The following DLEU7 variants were observed in gnomAD, a reference collection of about 807,000 sequenced individuals.
DLEU7 encodes deleted in lymphocytic leukemia 7, also known as leukemia-associated protein 7.
DLEU7 carries 17 observed loss-of-function variants against 16.0 expected under a neutral mutation model. The ratio of observed to expected loss-of-function variants is 1.06; its 90% CI spans 0.73 to 1.59. The LOEUF (loss-of-function observed/expected upper bound fraction) is 1.59. Among genes scored for constraint, DLEU7 ranks in the 40% most tolerant of loss-of-function variants. DLEU7 has a pLI of 0.00. For synonymous variants in DLEU7, 113 were observed against 139.8 expected (o/e 0.81, Z 1.35); for missense variants, 308 against 314.9 (o/e 0.98, Z 0.17).
chr13:50,740,560 C>T (rs771679412), intron 1 of DLEU7, among the ~76,000 whole-genome samples: 171 of 152,112 alleles, frequency 1.1e-3, no homozygotes, highest in Non-Finnish European at 1.9e-3. Flanking sequence ...CCATTCCACT[C>T]AAGACTACAC....
chr13:50,774,178 T>G (rs1010654642), intron 1 of DLEU7, among the ~76,000 whole-genome samples: 1 of 152,118 alleles, frequency 6.6e-6, no homozygotes, highest in African/African-American at 2.4e-5. Flanking sequence ...CTGTCACAGC[T>G]TCCCTTGGCT....
chr13:50,806,227 G>T (rs1177931400), intron 1 of DLEU7, among the ~76,000 whole-genome samples: 4 of 151,966 alleles, frequency 2.6e-5, no homozygotes, highest in Non-Finnish European at 5.9e-5. Context: ...GTTTTGGTTG[G>T]TTTTTCTGAG....
intron 1 of DLEU7, among the ~76,000 whole-genome samples, chr13:50,784,965 A>C (rs1442326451): frequency 6.6e-6 from 1 of 152,118 alleles, no homozygotes; most frequent in Non-Finnish European, 1.5e-5. Context: ...CTCTAGATTT[A>C]ACATAATTGG....
intron 1 of DLEU7, among the ~76,000 whole-genome samples, chr13:50,717,652 A>G (rs1268749317): frequency 6.6e-6 from 1 of 151,552 alleles, no homozygotes; most frequent in Non-Finnish European, 1.5e-5. Context: ...AAATCAGAAC[A>G]CTTTATGAGA....
At position 50,726,679 on chromosome 13, in the gene DLEU7, C is replaced by G. The variant is rs1046323478; in HGVS notation, c.460-13439G>C. ...TCGTTCTAAGAGCCCACTGGCTATG[C>G]CTTTTATTTCTCCAGGCATGGGTGC... On this transcript the variant is annotated intron_variant, in intron 1 of 1. Coordinates refer to the DLEU7 transcript ENST00000400393. This position sits in a 1 kb window ranked among gnomAD's most constrained non-coding sequence, Gnocchi z 4.0. Among the ~76,000 whole-genome samples, 1 of 152,090 alleles carries G rather than the reference C, an allele frequency of 6.6e-6. No individual in the cohort carries two copies. The highest frequency in any genetic ancestry group is 1.5e-5 in the Non-Finnish European group (1 of 68,026).
intron 1 of DLEU7, among the ~76,000 whole-genome samples, chr13:50,729,946 G>T (rs537241077): frequency 6.6e-6 from 1 of 152,104 alleles, no homozygotes; most frequent in East Asian, 1.9e-4. Context: ...TGAGCAGAAG[G>T]CTTCCAGATA....
chr13:50,807,366 A>G (rs1876422731), intron 1 of DLEU7, among the ~76,000 whole-genome samples: 2 of 152,092 alleles, frequency 1.3e-5, no homozygotes, highest in African/African-American at 2.4e-5. Context: ...CATCAAAAAC[A>G]AACAAATTTT....
chr13:50,784,524 C>A (rs1875746908), intron 1 of DLEU7, among the ~76,000 whole-genome samples: 1 of 152,310 alleles, frequency 6.6e-6, no homozygotes, highest in South Asian at 2.1e-4. Context: ...ATGTTTGTGC[C>A]CCCAGATAAT....
chr13:50,759,361 A>G (rs1463148835), intron 1 of DLEU7, among the ~76,000 whole-genome samples: 10 of 152,316 alleles, frequency 6.6e-5, no homozygotes, highest in Admixed American at 2.6e-4. Flanking sequence ...CTTGATCCCA[A>G]TGATCTCTTA....
In DLEU7 at chr13:50,805,559, T is replaced by G. The variant is rs76417344; in HGVS notation, c.459+37629A>C. Among the ~76,000 whole-genome samples, 1,075 of 152,336 alleles carry G rather than the reference T, an allele frequency of 7.1e-3. 12 individuals carry two copies. Among genetic ancestry groups the G allele is most frequent in the African/African-American group, 0.025 (1,029 of 41,588 alleles). ...GCATATGTTTGATTTTTTTATATAT[T>G]TTGCATCTATCATATAACCCTTTTA... On this transcript the variant is annotated intron_variant, in intron 1 of 1. Transcript: ENST00000400393.
At chr13:50,714,989 T>C (rs1467185310) in intron 1 of DLEU7, among the ~76,000 whole-genome samples, 1 of 152,198 alleles carries the variant, frequency 6.6e-6, no homozygotes, top group Non-Finnish European at 1.5e-5. Flanking sequence ...CTAGAGGCTC[T>C]AATGAAGCAT....
intron 1 of DLEU7, among the ~76,000 whole-genome samples, chr13:50,792,466 C>T (rs1403204454): frequency 1.3e-5 from 2 of 152,148 alleles, no homozygotes; most frequent in Non-Finnish European, 2.9e-5. Flanking sequence ...GTCCAGCACC[C>T]CAGCACGACT....
chr13:50,792,435 C>T (rs1365351446), intron 1 of DLEU7, among the ~76,000 whole-genome samples: 1 of 152,170 alleles, frequency 6.6e-6, no homozygotes, highest in Non-Finnish European at 1.5e-5. Context: ...ATGCAACTTC[C>T]CTTTAGCTAT....
In DLEU7 at chr13:50,738,680, A is replaced by G. The variant is rs1241290191; in HGVS notation, c.460-25440T>C. ...GAAAAAGATACAAATCTTGCCTACA[A>G]TGAGATCATAGTATAGTGGAGACAG... On this transcript the variant is annotated intron_variant, in intron 1 of 1. Transcript: ENST00000400393. Among the ~76,000 whole-genome samples the G allele has an allele frequency of 2.0e-5, 3 of 152,258 alleles. No homozygotes were observed. In the East Asian group the frequency reaches 5.8e-4, roughly 29 times the overall value.
downstream of DLEU7, among the ~76,000 whole-genome samples, chr13:50,820,629 G>A (rs1433606240): frequency 6.6e-6 from 1 of 152,160 alleles, no homozygotes; most frequent in Non-Finnish European, 1.5e-5. Context: ...AGCTGAGAAT[G>A]AGAAGAGTAA....
intron 1 of DLEU7, among the ~76,000 whole-genome samples, chr13:50,737,503 T>C (rs1874107995): frequency 6.6e-6 from 1 of 152,224 alleles, no homozygotes; most frequent in African/African-American, 2.4e-5. Context: ...TGTGATCACA[T>C]TTTGGTAATT....
chr13:50,801,831 G>A (rs942134413), intron 1 of DLEU7, among the ~76,000 whole-genome samples: 2 of 152,046 alleles, frequency 1.3e-5, no homozygotes, highest in Admixed American at 1.3e-4. Flanking sequence ...TGTTATTAAT[G>A]ACTATTCAAT....
chr13:50,766,927 C>A (rs745991192), intron 1 of DLEU7, among the ~76,000 whole-genome samples: 35 of 151,004 alleles, frequency 2.3e-4, no homozygotes, highest in Non-Finnish European at 4.9e-4. Flanking sequence ...GGAGTGGAGA[C>A]TTGTCTCCCC....
At chr13:50,719,860 T>A (rs1323045736) in intron 1 of DLEU7, 2 of 152,200 alleles carry the variant, frequency 1.3e-5, no homozygotes, top group East Asian at 3.8e-4. Context: ...AAAGTATCTT[T>A]TACAGTCTCT....
Sources: gnomAD v4.1 joint callset for allele counts (sites outside exome capture counted in the v4.1 genomes callset) on GRCh38, gnomAD v4.1.1 for gene constraint, Gnocchi (gnomAD v3.1) non-coding constraint, MANE v1.5 for transcripts, NCBI Gene and HGNC (gene_info 2026-07-23, HGNC 2026-07-21) for gene names.